The following PIP5K1B variants were observed in gnomAD, a reference collection of about 807,000 sequenced individuals.
PIP5K1B encodes the protein phosphatidylinositol-4-phosphate 5-kinase type 1 beta.
A neutral mutation model predicts 67.0 loss-of-function variants in PIP5K1B; 42 were observed. The ratio of observed to expected loss-of-function variants is 0.63; its 90% CI spans 0.49 to 0.81. The LOEUF (loss-of-function observed/expected upper bound fraction) is 0.81, where lower values mean the gene tolerates loss of function less well. Among genes scored for constraint, PIP5K1B ranks in the 30% least tolerant of loss-of-function variants. The pLI, the probability that PIP5K1B is intolerant of heterozygous loss-of-function variation, is 0.00. For synonymous variants in PIP5K1B, 214 were observed against 231.4 expected (o/e 0.92, Z 0.68); for missense variants, 459 against 646.3 (o/e 0.71, Z 3.14).
intron 4 of PIP5K1B, among the ~76,000 whole-genome samples, chr9:68,862,825 AT>A (rs1474560125): frequency 9.2e-4 from 36 of 39,206 alleles, no homozygotes; most frequent in East Asian, 4.4e-3. Flanking sequence ...ATAAATAAAT[AT>A]ATATATATAT....
intron 12 of PIP5K1B, among the ~76,000 whole-genome samples, chr9:68,925,940 A>G (rs1320237778): frequency 6.6e-6 from 1 of 150,988 alleles, no homozygotes. Context: ...TGGGATTACA[A>G]GCATGCATCA....
At chr9:68,965,824 G>C (rs1828994827) in intron 14 of PIP5K1B, among the ~76,000 whole-genome samples, 1 of 151,934 alleles carries the variant, frequency 6.6e-6, no homozygotes, top group Non-Finnish European at 1.5e-5. Context: ...AAATTCGCCA[G>C]GCATGATGCA....
intron 2 of PIP5K1B, among the ~76,000 whole-genome samples, chr9:68,811,580 C>T (rs1021884225): frequency 2.0e-5 from 3 of 152,150 alleles, no homozygotes; most frequent in African/African-American, 2.4e-5. Flanking sequence ...AGTCAACCCC[C>T]GTCCTGATGT....
chr9:68,911,818 G>T (rs1825869074), intron 8 of PIP5K1B, among the ~76,000 whole-genome samples: 1 of 152,174 alleles, frequency 6.6e-6, no homozygotes, highest in Non-Finnish European at 1.5e-5. Context: ...AAAAGGTCAA[G>T]GCTGCAGTGA....
At chr9:68,828,566 A>G (rs1834110994) in intron 4 of PIP5K1B, among the ~76,000 whole-genome samples, 1 of 152,224 alleles carries the variant, frequency 6.6e-6, no homozygotes, top group African/African-American at 2.4e-5. Context: ...AGGAGGAAAT[A>G]GTACCTGACC....
At chr9:68,849,660 C>T (rs1201323402) in intron 4 of PIP5K1B, among the ~76,000 whole-genome samples, 2 of 152,202 alleles carry the variant, frequency 1.3e-5, no homozygotes, top group Non-Finnish European at 2.9e-5. Context: ...GCCACCACGC[C>T]CAGCCTCATT....
chr9:68,963,359 T>C (rs777568256), intron 14 of PIP5K1B: 1 of 373,392 alleles, frequency 2.7e-6, no homozygotes, highest in Non-Finnish European at 5.4e-6. Flanking sequence ...AAACATTAGC[T>C]GGGCGTGGTG....
intron 6 of PIP5K1B, among the ~76,000 whole-genome samples, chr9:68,884,342 A>G (rs1326449985): frequency 6.6e-6 from 1 of 150,666 alleles, no homozygotes; most frequent in Non-Finnish European, 1.5e-5. Flanking sequence ...CAAAGGACCT[A>G]ACTATACATT....
chr9:68,954,579 A>C (rs535093725), intron 14 of PIP5K1B, among the ~76,000 whole-genome samples: 6 of 152,326 alleles, frequency 3.9e-5, no homozygotes, highest in African/African-American at 1.4e-4. Context: ...ACAAGTTGAA[A>C]AGGCTATTTT....
chr9:68,819,781 C>T (rs1297785458), intron 3 of PIP5K1B, among the ~76,000 whole-genome samples: 3 of 152,096 alleles, frequency 2.0e-5, no homozygotes, highest in Non-Finnish European at 2.9e-5. Context: ...CTCCAATGCC[C>T]CTGGTTAATA....
At chr9:68,802,701 G>A (rs905542876) in intron 2 of PIP5K1B, among the ~76,000 whole-genome samples, 1 of 152,204 alleles carries the variant, frequency 6.6e-6, no homozygotes, top group South Asian at 2.1e-4. Context: ...AAGGGGATGT[G>A]CCAGGCATTG....
intron 2 of PIP5K1B, among the ~76,000 whole-genome samples, chr9:68,799,026 A>C (rs1832445199): frequency 6.6e-6 from 1 of 152,240 alleles, no homozygotes; most frequent in Non-Finnish European, 1.5e-5. Flanking sequence ...ACATTGAATG[A>C]GATGGGAAAG....
chr9:69,004,971 A>G (rs945463745), intron 15 of PIP5K1B, among the ~76,000 whole-genome samples: 3 of 152,212 alleles, frequency 2.0e-5, no homozygotes, highest in Non-Finnish European at 4.4e-5. Context: ...AGACACGTTC[A>G]TGTATCCAGA....
Position 68,870,441 on chromosome 9 carries a change from T to C in PIP5K1B, c.201-6236T>C, listed in dbSNP as rs79405962. On this transcript the variant is annotated intron_variant, in intron 5 of 15. Transcript: ENST00000265382. Reference sequence around the variant, plus strand: ...ATGTGTCTTTTGTTTTGCTTTGTTTTGTTTTTCCATTCATGAGCACTCTCT... The same window carrying C: ...ATGTGTCTTTTGTTTTGCTTTGTTTCGTTTTTCCATTCATGAGCACTCTCT... Among the ~76,000 whole-genome samples the C allele has an allele frequency of 6.1e-3, 929 of 152,346 alleles. 5 individuals carry two copies. The highest frequency in any genetic ancestry group is 9.6e-3 in the Non-Finnish European group (653 of 68,034).
chr9:68,916,952 A>G (rs947169226), intron 8 of PIP5K1B, among the ~76,000 whole-genome samples: 2 of 152,202 alleles, frequency 1.3e-5, no homozygotes, highest in Non-Finnish European at 2.9e-5. Context: ...TCAGACATAG[A>G]AAAGATACAT....
chr9:68,807,817 A>T (rs1282289171), intron 2 of PIP5K1B, among the ~76,000 whole-genome samples: 1 of 152,252 alleles, frequency 6.6e-6, no homozygotes, highest in Non-Finnish European at 1.5e-5. Flanking sequence ...GACAAAAAGC[A>T]TAAGCTGGTG....
intron 15 of PIP5K1B, among the ~76,000 whole-genome samples, chr9:68,996,312 C>T (rs981514939): frequency 6.6e-6 from 1 of 152,166 alleles, no homozygotes; most frequent in African/African-American, 2.4e-5. Context: ...CTTAGTGAGA[C>T]ATTTAGTTCA....
chr9:68,747,344 A>G (rs1266248807), intron 2 of PIP5K1B, among the ~76,000 whole-genome samples: 1 of 151,402 alleles, frequency 6.6e-6, no homozygotes, highest in African/African-American at 2.4e-5. Context: ...TTGATTGTAA[A>G]ATAATAGACC....
At position 68,721,512 on chromosome 9, in the gene PIP5K1B, C is replaced by T. The variant is rs554098452; in HGVS notation, c.-243+15750C>T. Among the ~76,000 whole-genome samples, 6 of 152,112 alleles carry T rather than the reference C, an allele frequency of 3.9e-5. No individual in the cohort carries two copies. In the South Asian group the frequency reaches 1.0e-3, roughly 26 times the overall value. On this transcript the variant is annotated intron_variant, in intron 1 of 15. Transcript: ENST00000265382. ...GAGAGAGAATACCAGGTAGAGGCAT[C>T]GTACATATGGTAGCAGAGGCAGGAG...
Sources: allele counts gnomAD v4.1 joint callset (sites outside exome capture counted in the v4.1 genomes callset), GRCh38; gene constraint gnomAD v4.1.1; transcripts MANE v1.5; gene names NCBI Gene and HGNC (gene_info 2026-07-23, HGNC 2026-07-21).